Variants in SLMAP observed in about 807,000 individuals in gnomAD.
SLMAP encodes the protein sarcolemmal membrane-associated protein.
A neutral mutation model predicts 128.8 loss-of-function variants in SLMAP; 44 were observed. The observed-to-expected ratio is 0.34, with a 90% CI of 0.27 to 0.44. SLMAP has a LOEUF of 0.44. Among genes scored for constraint, SLMAP ranks in the 20% least tolerant of loss-of-function variants. SLMAP has a pLI of 1.00. For synonymous variants in SLMAP, 327 were observed against 348.8 expected (o/e 0.94, Z 0.70); for missense variants, 787 against 985.3 (o/e 0.80, Z 2.69).
chr3:57,772,787 T>G (rs2081142327), intron 2 of SLMAP, among the ~76,000 whole-genome samples: 1 of 152,094 alleles, frequency 6.6e-6, no homozygotes, highest in African/African-American at 2.4e-5. Context: ...ATTACAGGCA[T>G]GCGCCACCAC....
At chr3:57,850,940 A>G (rs2094476620) in intron 6 of SLMAP, among the ~76,000 whole-genome samples, 1 of 152,198 alleles carries the variant, frequency 6.6e-6, no homozygotes, top group South Asian at 2.1e-4. Context: ...CGGCCCATAG[A>G]TGACTTTTAA....
intron 14 of SLMAP, among the ~76,000 whole-genome samples, chr3:57,886,151 T>A (rs2095881229): frequency 6.7e-6 from 1 of 149,918 alleles, no homozygotes; most frequent in East Asian, 2.0e-4. Context: ...TTGCCCAGGC[T>A]GGAGTGCAGT....
In SLMAP at chr3:57,866,726, T is replaced by C. The variant is rs530485248; in HGVS notation, c.1237+1434T>C. On this transcript the variant is annotated intron_variant, in intron 13 of 24. Coordinates refer to ENST00000671191, the MANE Select transcript of SLMAP (RefSeq NM_001377540.1). ...GGTGAAACTTTATCTCTACAAAAAATACAAAAATTAGCCACGCATGGTGGC... is the reference window on the plus strand; with the variant it reads ...GGTGAAACTTTATCTCTACAAAAAACACAAAAATTAGCCACGCATGGTGGC... Among the ~76,000 whole-genome samples the C allele has an allele frequency of 2.9e-4, 44 of 152,102 alleles. 1 individual carries two copies. Among genetic ancestry groups the C allele is most frequent in the Admixed American group, 7.2e-4 (11 of 15,284 alleles).
chr3:57,856,021 C>T (rs907549810), intron 6 of SLMAP, among the ~76,000 whole-genome samples: 4 of 149,910 alleles, frequency 2.7e-5, no homozygotes, highest in Non-Finnish European at 5.9e-5. Context: ...CCAGCCTGGG[C>T]AACAGAGAGA....
chr3:57,896,281 C>T, intron 15 of SLMAP: 6 of 1,231,454 alleles, frequency 4.9e-6, no homozygotes, highest in Non-Finnish European at 6.1e-6. Context: ...AAAGCCCCAG[C>T]CCTCAGCAAA....
chr3:57,847,735 G>T (rs1258676882), intron 5 of SLMAP, among the ~76,000 whole-genome samples: 2 of 152,104 alleles, frequency 1.3e-5, no homozygotes, highest in Non-Finnish European at 2.9e-5. Context: ...AGAAATAATG[G>T]TTTATTCAAT....
intron 14 of SLMAP, among the ~76,000 whole-genome samples, chr3:57,877,025 A>G (rs927095533): frequency 5.3e-5 from 8 of 151,692 alleles, no homozygotes; most frequent in African/African-American, 1.9e-4. Context: ...AGTAGACCTC[A>G]TGCCTTTGTA....
intron 2 of SLMAP, among the ~76,000 whole-genome samples, chr3:57,809,740 G>A (rs1032763644): frequency 3.3e-5 from 5 of 152,146 alleles, no homozygotes; most frequent in East Asian, 1.9e-4. Context: ...TCTGAAGCCC[G>A]TAAAAGCCTC....
At chr3:57,853,955 T>TATA (rs1553880925) in intron 6 of SLMAP, among the ~76,000 whole-genome samples, 6 of 31,940 alleles carry the variant, frequency 1.9e-4, no homozygotes, top group African/African-American at 5.6e-4. Context: ...AAAAAAAAAA[T>TATA]TATATATATA....
chr3:57,876,707 A>G (rs1057385154), intron 14 of SLMAP, among the ~76,000 whole-genome samples: 1 of 152,208 alleles, frequency 6.6e-6, no homozygotes, highest in Non-Finnish European at 1.5e-5. Context: ...TTAAGAAATA[A>G]TGTATCTCTA....
chr3:57,883,286 T>C (rs777540365), intron 14 of SLMAP, among the ~76,000 whole-genome samples: 1 of 152,324 alleles, frequency 6.6e-6, no homozygotes, highest in Non-Finnish European at 1.5e-5. Flanking sequence ...GTGGTATTTC[T>C]GGGTGAAGAT....
rs988241660 is a variant in SLMAP at position 57,879,958 on chromosome 3, A to T, written c.1300+8260A>T. Among the ~76,000 whole-genome samples the T allele has an allele frequency of 2.8e-3, 207 of 73,666 alleles. 1 individual carries two copies. The highest frequency in any genetic ancestry group is 0.01 in the African/African-American group (179 of 17,094). 48.3% of individuals were successfully genotyped at this position (73,666 alleles called of 152,430 possible). On this transcript the variant is annotated intron_variant, in intron 14 of 24. Transcript: ENST00000671191. The stretch of plus-strand genomic sequence containing the variant: ...GTGTGAGACTCTGTCTCAAAAAAAA[A>T]AAAATAAAAATAAAAAGCACACAGA...
intron 5 of SLMAP, among the ~76,000 whole-genome samples, chr3:57,848,382 T>C (rs1483901587): frequency 6.6e-6 from 1 of 150,958 alleles, no homozygotes; most frequent in African/African-American, 2.4e-5. Flanking sequence ...TCTGCCTTCT[T>C]TCTTTTTCCT....
chr3:57,787,607 C>G (rs2084507951), intron 2 of SLMAP, among the ~76,000 whole-genome samples: 3 of 152,162 alleles, frequency 2.0e-5, no homozygotes, highest in African/African-American at 2.4e-5. Context: ...CTCCTGAGAG[C>G]TGGGATTACA....
At chr3:57,834,723 G>C (rs976859894) in intron 3 of SLMAP, among the ~76,000 whole-genome samples, 3 of 151,974 alleles carry the variant, frequency 2.0e-5, no homozygotes, top group African/African-American at 7.2e-5. Flanking sequence ...ATCCTTTAAA[G>C]AACCTAGCAT....
rs1270663254 is a variant in SLMAP, at chr3:57,912,220, G to A, written c.1700-161G>A. 5.7e-6 allele frequency: 3 copies of A among 527,446 alleles called. No individual in the cohort carries two copies. In the South Asian group the frequency reaches 9.5e-5, roughly 17 times the overall value. 32.7% of individuals were successfully genotyped at this position (527,446 alleles called of 1,614,324 possible). ...TCACTTTGGTTTTTTTTTCCTCTTT[G>A]CTATCTGTATTTTGACGCTTTCTGC... On this transcript the variant is annotated intron_variant, in intron 19 of 24. Coordinates refer to ENST00000671191, the MANE Select transcript of SLMAP (RefSeq NM_001377540.1).
intron 15 of SLMAP, among the ~76,000 whole-genome samples, chr3:57,893,518 C>T (rs1193383661): frequency 6.6e-6 from 1 of 152,020 alleles, no homozygotes; most frequent in Non-Finnish European, 1.5e-5. Context: ...AAAATTTGGC[C>T]CTACCTTTAA....
chr3:57,891,512 T>G (rs1417497925), intron 15 of SLMAP, among the ~76,000 whole-genome samples: 1 of 152,190 alleles, frequency 6.6e-6, no homozygotes, highest in Non-Finnish European at 1.5e-5. Context: ...GGCTATAAAC[T>G]GTTTATTGGA....
Position 57,757,713 on chromosome 3 carries a change from A to G in SLMAP, c.62A>G (p.His21Arg), listed in dbSNP as rs754847103. The G allele has an allele frequency of 1.6e-5, 26 of 1,614,120 alleles. No individual in the cohort carries two copies. Among genetic ancestry groups the G allele is most frequent in the Non-Finnish European group, 2.1e-5 (25 of 1,180,036 alleles). ...AACTCGCACCCGTTTCAGGAGCGTC[A>G]TGTCTACCTGGACGAGCCCATCAAA... ...RPNSHPFQER[H>R]VYLDEPIKIG... The change falls in exon 2 of 25, where the codon CAT becomes CGT. Residue 21 changes from histidine to arginine, a missense_variant. Transcript: ENST00000671191.
Sources: gnomAD v4.1 joint callset for allele counts (sites outside exome capture counted in the v4.1 genomes callset) on GRCh38, gnomAD v4.1.1 for gene constraint, MANE v1.5 for transcripts, NCBI Gene and HGNC (gene_info 2026-07-23, HGNC 2026-07-21) for gene names.